PARD6A: variants seen among roughly 807,000 people sequenced by gnomAD.
The protein encoded by PARD6A is par-6 family cell polarity regulator alpha, also known as partitioning defective 6 homolog alpha.
A neutral mutation model predicts 21.3 loss-of-function variants in PARD6A; 20 were observed. The observed-to-expected ratio is 0.94, with a 90% CI of 0.66 to 1.36. PARD6A has a LOEUF of 1.36. PARD6A is among the 40% of genes most tolerant of loss of function. The pLI, the probability that PARD6A is intolerant of heterozygous loss-of-function variation, is 0.00. For synonymous variants in PARD6A, 214 were observed against 204.8 expected, an observed-to-expected ratio of 1.04 and a Z score of -0.38; for missense variants, 411 against 482.0, an observed-to-expected ratio of 0.85 and a Z score of 1.38.
In PARD6A at chr16:67,661,960, G is replaced by C; in HGVS notation, c.351G>C (p.Leu117Phe). 2 of 1,611,934 alleles carry C rather than the reference G, an allele frequency of 1.2e-6. No homozygotes were observed. The highest frequency in any genetic ancestry group is 2.2e-5 in the South Asian group (2 of 91,078). Residue 117 changes from leucine to phenylalanine, a missense_variant, in exon 3 of 3, where the codon TTG becomes TTC. Physicochemically the swap from Leu to Phe is conservative, Grantham distance 22 (BLOSUM62 0). Coordinates refer to ENST00000458121, the MANE Select transcript of PARD6A (RefSeq NM_001037281.2). This position sits in a 1 kb window ranked among gnomAD's most constrained non-coding sequence, Gnocchi z 7.0. ...TGCAGCGGCGCAAGAAAGGGCTCTTGCTGCGGCCAGTGGCACCCCTGCGCA... is the reference window on the plus strand; with the variant it reads ...TGCAGCGGCGCAAGAAAGGGCTCTTCCTGCGGCCAGTGGCACCCCTGCGCA... ...NSLQRRKKGL[L>F]LRPVAPLRTR...
At position 67,661,062 on chromosome 16, in the gene PARD6A, G is replaced by A. The variant is rs371831536; in HGVS notation, c.24G>A (p.Pro8=). 18 of 1,598,520 alleles carry A rather than the reference G, an allele frequency of 1.1e-5. No homozygotes were observed. The highest frequency in any genetic ancestry group is 1.5e-5 in the Non-Finnish European group (18 of 1,172,002). The change falls in exon 1 of 3, where the codon CCG becomes CCA. Residue 8 remains proline, a synonymous_variant. Transcript: ENST00000458121. This position sits in a 1 kb window ranked among gnomAD's most constrained non-coding sequence, Gnocchi z 7.0. ...CCATGGCCCGGCCGCAGAGGACTCCGGCGCGCAGTCCCGATAGCATCGTCG... is the reference window on the plus strand; with the variant it reads ...CCATGGCCCGGCCGCAGAGGACTCCAGCGCGCAGTCCCGATAGCATCGTCG... The part of the protein sequence containing the change: MARPQRT[P]ARSPDSIVEV...
chr16:67,661,965 G>A lies in PARD6A; in HGVS notation c.356G>A (p.Arg119Gln), dbSNP rs1315887956. 9 of 1,612,172 alleles carry A rather than the reference G, an allele frequency of 5.6e-6. No homozygotes were observed. Among genetic ancestry groups the A allele is most frequent in the Admixed American group, 1.7e-5 (1 of 59,976 alleles). Reference protein sequence around the residue: ...LQRRKKGLLLRPVAPLRTRPP... With the variant: ...LQRRKKGLLLQPVAPLRTRPP... The stretch of plus-strand genomic sequence containing the variant: ...CGGCGCAAGAAAGGGCTCTTGCTGC[G>A]GCCAGTGGCACCCCTGCGCACCCGG... Residue 119 changes from arginine to glutamine, a missense_variant, in exon 3 of 3, where the codon CGG becomes CAG. By Grantham distance (43) the Arg-to-Gln change is conservative. Transcript: ENST00000458121. This position sits in a 1 kb window ranked among gnomAD's most constrained non-coding sequence, Gnocchi z 7.0.
Position 67,661,776 on chromosome 16 carries a change from C to T in PARD6A, c.286+99C>T, listed in dbSNP as rs2053022579. On this transcript the variant is annotated intron_variant, in intron 2 of 2. Transcript: ENST00000458121. The surrounding 1 kb of genome is among the most constrained non-coding windows in gnomAD (Gnocchi z 7.0). ...GCCCAGGGTACCCAAGCGTCACCCT[C>T]TGCAGTCCCTGCCCTTGGCTTGACC... 1.3e-6 allele frequency: 2 copies of T among 1,549,164 alleles called. No individual in the cohort carries two copies. Among genetic ancestry groups the T allele is most frequent in the South Asian group, 1.2e-5 (1 of 82,288 alleles).
chr16:67,661,317 C>T lies in PARD6A; in HGVS notation c.64-138C>T, dbSNP rs531552544. ...GCGGTAAGAAGACCTTGGACAGCGT[C>T]CCTGGTACTGGAGCTGAGGTCTGGG... On this transcript the variant is annotated intron_variant, in intron 1 of 2. Transcript: ENST00000458121. This position sits in a 1 kb window ranked among gnomAD's most constrained non-coding sequence, Gnocchi z 7.0. The T allele has an allele frequency of 5.7e-6, 7 of 1,235,138 alleles. No individual in the cohort carries two copies. The highest frequency in any genetic ancestry group is 2.7e-5 in the Admixed American group (1 of 37,560). 76.5% of individuals were successfully genotyped at this position (1,235,138 alleles called of 1,614,324 possible).
At position 67,661,544 on chromosome 16, in the gene PARD6A, G is replaced by C; in HGVS notation, c.153G>C (p.Gln51His). The C allele has an allele frequency of 6.2e-7, 1 of 1,610,518 alleles. No homozygotes were observed. Among genetic ancestry groups the C allele is most frequent in the Non-Finnish European group, 8.5e-7 (1 of 1,179,978 alleles). The change falls in exon 2 of 3, where the codon CAG (glutamine) becomes CAC (histidine). Residue 51 changes from glutamine (Q) to histidine (H), a missense_variant. Coordinates refer to ENST00000458121, the MANE Select transcript of PARD6A (RefSeq NM_001037281.2). The surrounding 1 kb of genome is among the most constrained non-coding windows in gnomAD (Gnocchi z 7.0). ...EFSRLLRAVH[Q>H]IPGLDVLLGY... ...CGCGGTTGCTGCGGGCGGTGCACCA[G>C]ATCCCGGGCCTGGACGTGCTACTTG...
rs555590208 is a variant in PARD6A, at chr16:67,662,613, G to C, written c.1004G>C (p.Arg335Pro). ...QEQASSGWGS[R>P]IRGDGSGFSL Reference sequence around the variant, plus strand: ...CAGGCCAGTTCTGGCTGGGGGAGTCGCATTCGAGGAGATGGTAGTGGCTTC... The same window carrying C: ...CAGGCCAGTTCTGGCTGGGGGAGTCCCATTCGAGGAGATGGTAGTGGCTTC... Residue 335 changes from arginine to proline, a missense_variant, in exon 3 of 3, where the codon CGC becomes CCC. Arg to Pro is a moderately radical substitution (Grantham distance 103). Transcript: ENST00000458121. This position sits in a 1 kb window ranked among gnomAD's most constrained non-coding sequence, Gnocchi z 6.9. 1 of 1,597,366 alleles carries C rather than the reference G, an allele frequency of 6.3e-7. No individual in the cohort carries two copies. The highest frequency in any genetic ancestry group is 8.5e-7 in the Non-Finnish European group (1 of 1,171,324).
In PARD6A at chr16:67,662,684, G is replaced by A; in HGVS notation, c.*37G>A. On this transcript the variant is annotated 3_prime_UTR_variant, in exon 3 of 3. Coordinates refer to ENST00000458121, the MANE Select transcript of PARD6A (RefSeq NM_001037281.2). This position sits in a 1 kb window ranked among gnomAD's most constrained non-coding sequence, Gnocchi z 6.9. ...AAGCCCCATGCCACTCCACACTGCT[G>A]GGACATGGCAGGGACTTCACAGTGG... 2 of 1,495,000 alleles carry A rather than the reference G, an allele frequency of 1.3e-6. No individual in the cohort carries two copies. Among genetic ancestry groups the A allele is most frequent in the Non-Finnish European group, 8.9e-7 (1 of 1,123,952 alleles). The allele number at this position is 1,495,000 out of a possible 1,614,324, so 92.6% of individuals were successfully genotyped here.
rs781455847 is a variant in PARD6A at position 67,662,754 on chromosome 16, T to C, written c.*107T>C. On this transcript the variant is annotated 3_prime_UTR_variant, in exon 3 of 3. Transcript: ENST00000458121. The surrounding 1 kb of genome is among the most constrained non-coding windows in gnomAD (Gnocchi z 6.9). ...AGGGCTCCCTCAGCCTGGGGAACATTAAAGGTTTTCTACAAATACAGTCAT... is the reference window on the plus strand; with the variant it reads ...AGGGCTCCCTCAGCCTGGGGAACATCAAAGGTTTTCTACAAATACAGTCAT... 1.4e-5 allele frequency: 15 copies of C among 1,089,066 alleles called. No individual in the cohort carries two copies. Among genetic ancestry groups the C allele is most frequent in the Non-Finnish European group, 1.8e-5 (14 of 783,198 alleles). 67.5% of individuals were successfully genotyped at this position (1,089,066 alleles called of 1,614,324 possible). A position where few individuals can be genotyped will look rare whatever the true frequency, so the allele number is the denominator to read the frequency against.
rs752647489 is a variant in PARD6A, at chr16:67,662,539, C to G, written c.930C>G (p.Cys310Trp). 12 of 1,613,158 alleles carry G rather than the reference C, an allele frequency of 7.4e-6. No individual in the cohort carries two copies. The East Asian group carries it at 2.7e-4, about 36-fold the overall frequency. ...GPPCWDLHPG[C>W]RHPGTRSSLP... ...CGTGCTGGGACCTGCACCCTGGCTGCCGACATCCTGGTACCCGCAGCTCTC... is the reference window on the plus strand; with the variant it reads ...CGTGCTGGGACCTGCACCCTGGCTGGCGACATCCTGGTACCCGCAGCTCTC... Residue 310 changes from cysteine to tryptophan, a missense_variant, in exon 3 of 3, where the codon TGC becomes TGG. By Grantham distance (215) the Cys-to-Trp change is radical. Transcript: ENST00000458121. This position sits in a 1 kb window ranked among gnomAD's most constrained non-coding sequence, Gnocchi z 6.9.
rs1262159044 is a variant in PARD6A, at chr16:67,662,485, C to T, written c.876C>T (p.Pro292=). Residue 292 remains proline (P), a synonymous_variant, in exon 3 of 3, where the codon CCC becomes CCT. Coordinates refer to ENST00000458121, the MANE Select transcript of PARD6A (RefSeq NM_001037281.2). The surrounding 1 kb of genome is among the most constrained non-coding windows in gnomAD (Gnocchi z 6.9). ...SDLVIENRQP[P]SSNGLSQGPP... is the part of the protein sequence containing the mutation. Reference sequence around the variant, plus strand: ...TGGTCATTGAGAACCGCCAGCCTCCCAGTTCCAATGGGCTGTCTCAGGGGC... The same window carrying T: ...TGGTCATTGAGAACCGCCAGCCTCCTAGTTCCAATGGGCTGTCTCAGGGGC... 1 of 1,613,638 alleles carries T rather than the reference C, an allele frequency of 6.2e-7. No homozygotes were observed. The highest frequency in any genetic ancestry group is 1.1e-5 in the South Asian group (1 of 91,086).
chr16:67,661,074 CGATAGCATCGTCGAGGT>C lies in PARD6A; in HGVS notation c.39_55del (p.Asp13GlufsTer5). On this transcript the variant is annotated frameshift_variant, in exon 1 of 3. Coordinates refer to ENST00000458121, the MANE Select transcript of PARD6A (RefSeq NM_001037281.2). LOFTEE classifies it high-confidence loss of function. This position sits in a 1 kb window ranked among gnomAD's most constrained non-coding sequence, Gnocchi z 7.0. Reference sequence around the variant, plus strand: ...CGCAGAGGACTCCGGCGCGCAGTCCCGATAGCATCGTCGAGGTGAAGAGCAAAGTAAGGGCTCCTCCG... The same window carrying C: ...CGCAGAGGACTCCGGCGCGCAGTCCCGAAGAGCAAAGTAAGGGCTCCTCCG... 1 of 1,608,084 alleles carries C rather than the reference CGATAGCATCGTCGAGGT, an allele frequency of 6.2e-7. No homozygotes were observed. The highest frequency in any genetic ancestry group is 8.5e-7 in the Non-Finnish European group (1 of 1,177,336).
At position 67,662,217 on chromosome 16, in the gene PARD6A, A is replaced by G. The variant is rs531513202; in HGVS notation, c.608A>G (p.Glu203Gly). Reference protein sequence around the residue: ...ISRLVRGGLAESTGLLAVSDE... With the variant: ...ISRLVRGGLAGSTGLLAVSDE... ...CGCCTGGTACGTGGGGGTCTGGCTG[A>G]GAGTACAGGGCTGCTGGCGGTCAGT... is the stretch of plus-strand genomic sequence containing the variant. The change falls in exon 3 of 3, where the codon GAG (glutamate) becomes GGG (glycine). Residue 203 changes from glutamate to glycine, a missense_variant. Coordinates refer to ENST00000458121, the MANE Select transcript of PARD6A (RefSeq NM_001037281.2). The surrounding 1 kb of genome is among the most constrained non-coding windows in gnomAD (Gnocchi z 6.9). 1.9e-6 allele frequency: 3 copies of G among 1,613,996 alleles called. No individual in the cohort carries two copies. Among genetic ancestry groups the G allele is most frequent in the African/African-American group, 2.7e-5 (2 of 74,972 alleles).
In PARD6A at chr16:67,661,455, T is replaced by C. The variant is rs1000930506; in HGVS notation, c.64T>C (p.Phe22Leu). 6.2e-7 allele frequency: 1 copy of C among 1,606,670 alleles called. No individual in the cohort carries two copies. The highest frequency in any genetic ancestry group is 1.3e-5 in the African/African-American group (1 of 74,942). The change falls in exon 2 of 3, where the codon TTT becomes CTT. Residue 22 changes from phenylalanine to leucine, a missense_variant and splice_region_variant. Coordinates refer to ENST00000458121, the MANE Select transcript of PARD6A (RefSeq NM_001037281.2). This position sits in a 1 kb window ranked among gnomAD's most constrained non-coding sequence, Gnocchi z 7.0. ...CCTCTCCCCCAACCCCGACTTCCAG[T>C]TTGACGCCGAGTTCCGACGCTTCGC... ...PDSIVEVKSK[F>L]DAEFRRFALP...
rs2053008261 is a variant in PARD6A, at chr16:67,661,187, C to T, written c.63+86C>T. 2.5e-6 allele frequency: 3 copies of T among 1,209,590 alleles called. No homozygotes were observed. The highest frequency in any genetic ancestry group is 3.7e-6 in the Non-Finnish European group (3 of 817,982). The allele number at this position is 1,209,590 out of a possible 1,614,324, so 74.9% of individuals were successfully genotyped here. A position where few individuals can be genotyped will look rare whatever the true frequency, so the allele number is the denominator to read the frequency against. ...GCTCCTTGGTCCCCGCCACCTCTTC[C>T]CTCTATCCTCCAAGTCCCATTCTGC... is the stretch of plus-strand genomic sequence containing the variant. On this transcript the variant is annotated intron_variant, in intron 1 of 2. Coordinates refer to ENST00000458121, the MANE Select transcript of PARD6A (RefSeq NM_001037281.2). This position sits in a 1 kb window ranked among gnomAD's most constrained non-coding sequence, Gnocchi z 7.0.
In PARD6A at chr16:67,661,209, C is replaced by G; in HGVS notation, c.63+108C>G. On this transcript the variant is annotated intron_variant, in intron 1 of 2. Coordinates refer to ENST00000458121, the MANE Select transcript of PARD6A (RefSeq NM_001037281.2). This position sits in a 1 kb window ranked among gnomAD's most constrained non-coding sequence, Gnocchi z 7.0. ...TTCCCTCTATCCTCCAAGTCCCATTCTGCTTTTCTGCTCGCCTTCCCCCAT... is the reference window on the plus strand; with the variant it reads ...TTCCCTCTATCCTCCAAGTCCCATTGTGCTTTTCTGCTCGCCTTCCCCCAT... The G allele has an allele frequency of 1.8e-6, 2 of 1,100,724 alleles. No homozygotes were observed. The highest frequency in any genetic ancestry group is 2.7e-6 in the Non-Finnish European group (2 of 728,588). The allele number at this position is 1,100,724 out of a possible 1,614,324, so 68.2% of individuals were successfully genotyped here.
Position 67,661,203 on chromosome 16 carries a change from C to A in PARD6A, c.63+102C>A. 8.7e-7 allele frequency: 1 copy of A among 1,144,428 alleles called. No individual in the cohort carries two copies. The highest frequency in any genetic ancestry group is 1.3e-6 in the Non-Finnish European group (1 of 763,682). 70.9% of individuals were successfully genotyped at this position (1,144,428 alleles called of 1,614,324 possible). A position where few individuals can be genotyped will look rare whatever the true frequency, so the allele number is the denominator to read the frequency against. ...CACCTCTTCCCTCTATCCTCCAAGT[C>A]CCATTCTGCTTTTCTGCTCGCCTTC... On this transcript the variant is annotated intron_variant, in intron 1 of 2. Transcript: ENST00000458121. The surrounding 1 kb of genome is among the most constrained non-coding windows in gnomAD (Gnocchi z 7.0).
chr16:67,661,736 CA>C lies in PARD6A; in HGVS notation c.286+61del. 6.3e-7 allele frequency: 1 copy of C among 1,582,348 alleles called. No homozygotes were observed. Among genetic ancestry groups the C allele is most frequent in the Non-Finnish European group, 8.5e-7 (1 of 1,170,070 alleles). On this transcript the variant is annotated intron_variant, in intron 2 of 2. Transcript: ENST00000458121. The surrounding 1 kb of genome is among the most constrained non-coding windows in gnomAD (Gnocchi z 7.0). ...GTAAGGTGTCTGTGGGGCAGGTCTA[CA>C]AGGGTTAGTCCATGCCCAGGGTACC...
Position 67,660,998 on chromosome 16 carries a change from GGGCCGC to G in PARD6A, c.-40_-35del. ...CCGGGCTGTGCACCTGCGCCTCGGC[GGGCCGC>G]CTGGGGCACCGTCCCCGGCCCGCCC... On this transcript the variant is annotated 5_prime_UTR_variant, in exon 1 of 3. Transcript: ENST00000458121. The G allele has an allele frequency of 4.5e-6, 5 of 1,117,158 alleles. No homozygotes were observed. Among genetic ancestry groups the G allele is most frequent in the Non-Finnish European group, 5.6e-6 (5 of 887,266 alleles). 69.2% of individuals were successfully genotyped at this position (1,117,158 alleles called of 1,614,324 possible).
In PARD6A at chr16:67,661,523, G is replaced by A; in HGVS notation, c.132G>A (p.Arg44=). Reference sequence around the variant, plus strand: ...TGAGCGGCTTCCAGGAGTTCTCGCGGTTGCTGCGGGCGGTGCACCAGATCC... The same window carrying A: ...TGAGCGGCTTCCAGGAGTTCTCGCGATTGCTGCGGGCGGTGCACCAGATCC... ...ASVSGFQEFS[R]LLRAVHQIPG... is the part of the protein sequence containing the mutation. The change falls in exon 2 of 3, where the codon CGG becomes CGA. Residue 44 remains arginine, a synonymous_variant. Transcript: ENST00000458121. The surrounding 1 kb of genome is among the most constrained non-coding windows in gnomAD (Gnocchi z 7.0). 6.2e-7 allele frequency: 1 copy of A among 1,610,180 alleles called. No individual in the cohort carries two copies. Among genetic ancestry groups the A allele is most frequent in the Non-Finnish European group, 8.5e-7 (1 of 1,179,972 alleles).
Sources: gnomAD v4.1 joint callset for allele counts on GRCh38, gnomAD v4.1.1 for gene constraint, Gnocchi (gnomAD v3.1) non-coding constraint, MANE v1.5 for transcripts, NCBI Gene and HGNC (gene_info 2026-07-23, HGNC 2026-07-21) for gene names.